The following DPP6 variants were observed in gnomAD, a reference collection of about 807,000 sequenced individuals.
DPP6 encodes dipeptidyl peptidase like 6.
DPP6 carries 69 observed loss-of-function variants against 122.6 expected under a neutral mutation model. The ratio of observed to expected loss-of-function variants is 0.56; its 90% confidence interval spans 0.46 to 0.69. The LOEUF is 0.69. Among genes scored for constraint, DPP6 ranks in the 30% least tolerant of loss-of-function variants. DPP6 has a pLI of 0.00. For missense variants in DPP6, 928 were observed against 1,116.9 expected (o/e 0.83, Z 2.41); for synonymous variants, 418 against 433.1 (o/e 0.97, Z 0.43).
At chr7:153,805,151 A>C in the DPP6 span, among the ~76,000 whole-genome samples, 1 of 152,240 alleles carries the variant, frequency 6.6e-6, no homozygotes, top group African/African-American at 2.4e-5. Flanking sequence ...ATAAGGACTT[A>C]AGTAAAAATT....
At chr7:154,633,275 G>C (rs1835519161) in intron 5 of DPP6, among the ~76,000 whole-genome samples, 1 of 151,606 alleles carries the variant, frequency 6.6e-6, no homozygotes, top group Non-Finnish European at 1.5e-5. Flanking sequence ...CTCGCTCTGT[G>C]GCCCAGGCTG....
In DPP6 at chr7:154,241,196, T is replaced by C. The variant is rs1463608749; in HGVS notation, c.243+188133T>C. ...AATTCAATATCAATATGTGTGTGTG[T>C]GTGTGTGTGTGTGTGTGTGTGTGTA... On this transcript the variant is annotated intron_variant, in intron 1 of 25. Coordinates refer to ENST00000377770, the MANE Select transcript of DPP6 (RefSeq NM_130797.4). This position sits in a 1 kb window ranked among gnomAD's most constrained non-coding sequence, Gnocchi z 9.0. Among the ~76,000 whole-genome samples the C allele has an allele frequency of 5.4e-5, 8 of 148,320 alleles. No homozygotes were observed. Among genetic ancestry groups the C allele is most frequent in the East Asian group, 1.9e-4 (1 of 5,140 alleles).
chr7:153,904,795 A>G (rs1465234144), intron 1 of DPP6, among the ~76,000 whole-genome samples: 1 of 152,254 alleles, frequency 6.6e-6, no homozygotes, highest in Non-Finnish European at 1.5e-5. Context: ...GTAAGGGCCA[A>G]GGGAAAGCTT....
At chr7:154,819,341 G>C (rs550910293) in intron 16 of DPP6, among the ~76,000 whole-genome samples, 9 of 152,270 alleles carry the variant, frequency 5.9e-5, no homozygotes, top group African/African-American at 2.2e-4. Flanking sequence ...CTTGAACCCG[G>C]GAAGCAGAGG....
the DPP6 span, among the ~76,000 whole-genome samples, chr7:153,841,759 G>A: frequency 6.6e-6 from 1 of 152,194 alleles, no homozygotes; most frequent in South Asian, 2.1e-4. Context: ...GTAGGCTGAG[G>A]AAAATTGGGA....
intron 1 of DPP6, among the ~76,000 whole-genome samples, chr7:154,406,437 A>ACG: frequency 1.3e-5 from 2 of 149,028 alleles, no homozygotes; most frequent in African/African-American, 5.0e-5. Flanking sequence ...ATGCACACAC[A>ACG]CACACACACA....
chr7:154,115,962 T>C (rs1435896772), intron 1 of DPP6, among the ~76,000 whole-genome samples: 2 of 151,904 alleles, frequency 1.3e-5, no homozygotes, highest in Non-Finnish European at 2.9e-5. Flanking sequence ...ATCTCATTCC[T>C]GTTATGAACA....
At chr7:154,332,799 C>T (rs185858300) in intron 1 of DPP6, among the ~76,000 whole-genome samples, 11 of 152,276 alleles carry the variant, frequency 7.2e-5, no homozygotes, top group African/African-American at 2.6e-4. Flanking sequence ...AATTTTTCTG[C>T]GTCAGATGCA....
At chr7:154,839,625 TG>T (rs1343744958) in intron 16 of DPP6, among the ~76,000 whole-genome samples, 3 of 152,154 alleles carry the variant, frequency 2.0e-5, no homozygotes, top group Non-Finnish European at 2.9e-5. Context: ...GTTATTACGG[TG>T]GTGCCACAGA....
chr7:154,575,011 T>TTGTGGGTG lies in DPP6; in HGVS notation c.627+8096_627+8103dup, dbSNP rs1280221289. Among the ~76,000 whole-genome samples, 876 of 127,032 alleles carry TTGTGGGTG rather than the reference T, an allele frequency of 6.9e-3. 13 individuals carry two copies. The highest frequency in any genetic ancestry group is 0.023 in the African/African-American group (762 of 33,272). The allele number at this position is 127,032 out of a possible 152,430, so 83.3% of individuals were successfully genotyped here. A position where few individuals can be genotyped will look rare whatever the true frequency, so the allele number is the denominator to read the frequency against. On this transcript the variant is annotated intron_variant, in intron 5 of 25. Coordinates refer to ENST00000377770, the MANE Select transcript of DPP6 (RefSeq NM_130797.4). ...GTGTATATGTGTGGGGTGTGTGTGTTTGTGGGTGGTGTATGTGTGTGGTGT... is the reference window on the plus strand; with the variant it reads ...GTGTATATGTGTGGGGTGTGTGTGTTTGTGGGTGTGTGGGTGGTGTATGTGTGTGGTGT...
chr7:153,900,514 T>C (rs1190989126), intron 1 of DPP6, among the ~76,000 whole-genome samples: 1 of 152,082 alleles, frequency 6.6e-6, no homozygotes, highest in East Asian at 1.9e-4. Context: ...TGTGTAGAAA[T>C]CACATGGCCA....
Position 154,821,234 on chromosome 7 carries a change from T to C in DPP6, c.1666+14122T>C, listed in dbSNP as rs1449438075. 6.6e-6 allele frequency among the ~76,000 whole-genome samples: 1 copy of C among 152,182 alleles called. No homozygotes were observed. The highest frequency in any genetic ancestry group is 2.4e-5 in the African/African-American group (1 of 41,430). On this transcript the variant is annotated intron_variant, in intron 16 of 25. Coordinates refer to ENST00000377770, the MANE Select transcript of DPP6 (RefSeq NM_130797.4). This position sits in a 1 kb window ranked among gnomAD's most constrained non-coding sequence, Gnocchi z 4.2. ...GAAATGTGTGGCATATGTGGGTAGGTCTTTATAGCACACATTTTTAATCTT... is the reference window on the plus strand; with the variant it reads ...GAAATGTGTGGCATATGTGGGTAGGCCTTTATAGCACACATTTTTAATCTT...
rs528771384 is a variant in DPP6, at chr7:153,902,646, C to A, written c.51+14912C>A. 2.0e-5 allele frequency among the ~76,000 whole-genome samples: 3 copies of A among 152,022 alleles called. No individual in the cohort carries two copies. The East Asian group carries it at 5.8e-4, about 29-fold the overall frequency. ...GGTCAGGAGTTCGAGACCAGCCTGG[C>A]CAACATGGTGAAACCCTGTCTCTAC... On this transcript the variant is annotated intron_variant, in intron 1 of 25. Coordinates refer to the DPP6 transcript ENST00000404039.
chr7:154,796,284 G>T, intron 12 of DPP6: 1 of 174,070 alleles, frequency 5.7e-6, no homozygotes. Context: ...GGTTTTGTTG[G>T]TGTCTCATTT....
upstream of DPP6, among the ~76,000 whole-genome samples, chr7:153,886,220 T>C (rs1396001922): frequency 6.6e-6 from 1 of 152,034 alleles, no homozygotes; most frequent in Admixed American, 6.5e-5. Context: ...CATATGAATT[T>C]GACCAACCTC....
chr7:154,150,990 C>T (rs1030145825), intron 1 of DPP6, among the ~76,000 whole-genome samples: 18 of 152,166 alleles, frequency 1.2e-4, no homozygotes, highest in African/African-American at 2.9e-4. Context: ...GCCGGGACTC[C>T]GTGATCTTGT....
chr7:154,648,094 TA>T (rs67145418), intron 6 of DPP6, among the ~76,000 whole-genome samples: 88,067 of 146,496 alleles, frequency 0.6, 26,304 homozygotes, highest in Middle Eastern at 0.65. Context: ...CTATTAAAAT[TA>T]AAAAAAAAAA....
At chr7:153,805,618 G>A in the DPP6 span, among the ~76,000 whole-genome samples, 1 of 152,136 alleles carries the variant, frequency 6.6e-6, no homozygotes, top group Non-Finnish European at 1.5e-5. Context: ...GTCCAACAAT[G>A]ATAGACTGGA....
chr7:154,244,447 A>G (rs952254854), intron 1 of DPP6, among the ~76,000 whole-genome samples: 3 of 152,202 alleles, frequency 2.0e-5, no homozygotes, highest in Admixed American at 1.3e-4. Context: ...ACAGTATGAC[A>G]TGAAGGATAC....
Sources: allele counts gnomAD v4.1 joint callset (sites outside exome capture counted in the v4.1 genomes callset), GRCh38; gene constraint gnomAD v4.1.1; non-coding constraint Gnocchi (gnomAD v3.1); transcripts MANE v1.5; gene names NCBI Gene and HGNC (gene_info 2026-07-23, HGNC 2026-07-21).